Variants in RBFOX1 observed in about 807,000 individuals in gnomAD.
The protein encoded by RBFOX1 is RNA binding protein fox-1 homolog 1.
A neutral mutation model predicts 57.7 loss-of-function variants in RBFOX1; 8 were observed. The ratio of observed to expected loss-of-function variants is 0.14; its 90% CI spans 0.08 to 0.25. The LOEUF is 0.25. Among genes scored for constraint, RBFOX1 ranks in the 10% least tolerant of loss-of-function variants. The probability of loss-of-function intolerance (pLI) is 1.00; values close to 1 mark genes in which losing one functional copy is unlikely to be tolerated. For missense variants in RBFOX1, 611 were observed against 548.5 expected (o/e 1.11, Z -1.14); for synonymous variants, 326 against 222.4 (o/e 1.47, Z -4.15).
At chr16:7,496,117 G>T (rs1174989677) in intron 4 of RBFOX1, among the ~76,000 whole-genome samples, 2 of 151,998 alleles carry the variant, frequency 1.3e-5, no homozygotes, top group Non-Finnish European at 2.9e-5. Context: ...CCTACCTTCT[G>T]GGCATCAGTT....
intron 3 of RBFOX1, among the ~76,000 whole-genome samples, chr16:5,667,378 T>G (rs572919784): frequency 3.0e-4 from 46 of 152,354 alleles, no homozygotes; most frequent in African/African-American, 1.1e-3. Context: ...TATGGCACAT[T>G]GCCATTTGGT....
At chr16:7,179,141 A>C (rs1468843509) in intron 4 of RBFOX1, among the ~76,000 whole-genome samples, 2 of 152,042 alleles carry the variant, frequency 1.3e-5, no homozygotes, top group African/African-American at 4.8e-5. Flanking sequence ...CGGAGGGGTT[A>C]ATATTTTTTG....
intron 3 of RBFOX1, among the ~76,000 whole-genome samples, chr16:6,974,828 C>T (rs1021744039): frequency 2.6e-5 from 4 of 152,176 alleles, no homozygotes; most frequent in East Asian, 3.9e-4. Context: ...GCTTGTAGTC[C>T]TTTTACTTCC....
chr16:5,665,814 G>A (rs565108097), intron 3 of RBFOX1, among the ~76,000 whole-genome samples: 28 of 152,324 alleles, frequency 1.8e-4, no homozygotes, highest in Admixed American at 5.9e-4. Flanking sequence ...TTATACCCAC[G>A]TGCTGCTGAG....
chr16:6,960,028 C>A (rs2082636311), intron 3 of RBFOX1, among the ~76,000 whole-genome samples: 4 of 152,108 alleles, frequency 2.6e-5, no homozygotes, highest in Admixed American at 6.5e-5. Flanking sequence ...TTTGCCTAGG[C>A]CTTTCCTAGG....
At chr16:6,172,408 T>A (rs1217277693) in intron 1 of RBFOX1, among the ~76,000 whole-genome samples, 1 of 152,170 alleles carries the variant, frequency 6.6e-6, no homozygotes, top group Non-Finnish European at 1.5e-5. Flanking sequence ...TACAGTTCCA[T>A]CCCTGTGAGC....
intron 3 of RBFOX1, among the ~76,000 whole-genome samples, chr16:5,848,002 C>G (rs2056800317): frequency 6.6e-6 from 1 of 152,024 alleles, no homozygotes; most frequent in Non-Finnish European, 1.5e-5. Flanking sequence ...TGTAAACACC[C>G]CCAGTAGTGA....
At chr16:6,473,005 C>G (rs1409506714) in intron 2 of RBFOX1, among the ~76,000 whole-genome samples, 2 of 152,124 alleles carry the variant, frequency 1.3e-5, no homozygotes, top group Non-Finnish European at 2.9e-5. Context: ...CCAGGTGAAA[C>G]TCTTCCACCT....
At chr16:6,746,839 G>C (rs8053828) in intron 3 of RBFOX1, among the ~76,000 whole-genome samples, 4,765 of 152,196 alleles carry the variant, frequency 0.031, 183 homozygotes, top group African/African-American at 0.09. Flanking sequence ...AGGAATGTGA[G>C]ATTTTATTAA....
chr16:6,841,554 C>A (rs1032638016), intron 3 of RBFOX1, among the ~76,000 whole-genome samples: 1 of 152,144 alleles, frequency 6.6e-6, no homozygotes, highest in Admixed American at 6.5e-5. Context: ...GCGAGTATTA[C>A]CACAGGCCCT....
At position 6,312,160 on chromosome 16, in the gene RBFOX1, A is replaced by G. The variant is rs186654834; in HGVS notation, c.-126-4835A>G. Reference sequence around the variant, plus strand: ...CATTGTTTGCTAGCAACAGAAATCCATTCAAACTCACTCAATAAATGGGCA... The same window carrying G: ...CATTGTTTGCTAGCAACAGAAATCCGTTCAAACTCACTCAATAAATGGGCA... On this transcript the variant is annotated intron_variant, in intron 1 of 15. Coordinates refer to ENST00000550418, the MANE Select transcript of RBFOX1 (RefSeq NM_018723.4). 8.5e-5 allele frequency among the ~76,000 whole-genome samples: 13 copies of G among 152,288 alleles called. No homozygotes were observed. The East Asian group carries it at 2.3e-3, about 27-fold the overall frequency.
At chr16:6,521,533 C>T (rs2096497802) in intron 2 of RBFOX1, among the ~76,000 whole-genome samples, 1 of 131,586 alleles carries the variant, frequency 7.6e-6, no homozygotes, top group South Asian at 2.3e-4. Context: ...CTCCCTCCTT[C>T]CTCTCCTCTC....
At chr16:6,608,170 C>A (rs10163344) in intron 2 of RBFOX1, among the ~76,000 whole-genome samples, 2 of 152,000 alleles carry the variant, frequency 1.3e-5, no homozygotes, top group African/African-American at 2.4e-5. Context: ...CTTACCAGAC[C>A]TATTTTGAGT....
intron 1 of RBFOX1, among the ~76,000 whole-genome samples, chr16:5,342,375 C>G (rs1359465432): frequency 6.6e-6 from 1 of 152,116 alleles, no homozygotes; most frequent in Non-Finnish European, 1.5e-5. Context: ...AGAGCAGAGT[C>G]CTGCAGGTAG....
At chr16:5,643,554 G>T (rs2048949844) in intron 3 of RBFOX1, among the ~76,000 whole-genome samples, 1 of 152,154 alleles carries the variant, frequency 6.6e-6, no homozygotes, top group Non-Finnish European at 1.5e-5. Flanking sequence ...TGATTAGGGT[G>T]GTGAATGCTT....
At chr16:7,603,829 T>G (rs971947102) in intron 9 of RBFOX1, among the ~76,000 whole-genome samples, 1 of 152,112 alleles carries the variant, frequency 6.6e-6, no homozygotes, top group Non-Finnish European at 1.5e-5. Context: ...TTATCTCAAA[T>G]TGGGAAGAAG....
chr16:6,449,169 T>A (rs1030768415), intron 2 of RBFOX1, among the ~76,000 whole-genome samples: 2 of 152,204 alleles, frequency 1.3e-5, no homozygotes, highest in Admixed American at 1.3e-4. Flanking sequence ...GAATGGAGAC[T>A]TTGGAACAGG....
At chr16:5,637,632 C>G (rs1420940944) in intron 3 of RBFOX1, among the ~76,000 whole-genome samples, 3 of 152,178 alleles carry the variant, frequency 2.0e-5, no homozygotes, top group African/African-American at 7.2e-5. Context: ...TTGGGTTTTT[C>G]AAGGCCCTGA....
rs74584596 is a variant in RBFOX1 at position 6,775,169 on chromosome 16, CAAAAAAA to C, written c.-16+120530_-16+120536del. ...TGAAACCCCGTCTCTACTAAAAGTA[CAAAAAAA>C]AAAAAAAAAAGTTAGCCTGGTGTGG... On this transcript the variant is annotated intron_variant, in intron 3 of 15. Coordinates refer to ENST00000550418, the MANE Select transcript of RBFOX1 (RefSeq NM_018723.4). Among the ~76,000 whole-genome samples the C allele has an allele frequency of 3.2e-4, 27 of 84,082 alleles. No homozygotes were observed. In the East Asian group the frequency reaches 6.4e-3, roughly 20 times the overall value. The allele number at this position is 84,082 out of a possible 152,430, so 55.2% of individuals were successfully genotyped here.
Sources: gnomAD v4.1 joint callset for allele counts (sites outside exome capture counted in the v4.1 genomes callset) on GRCh38, gnomAD v4.1.1 for gene constraint, MANE v1.5 for transcripts, NCBI Gene and HGNC (gene_info 2026-07-23, HGNC 2026-07-21) for gene names.